The following ZNF224 variants were observed in gnomAD, a reference collection of about 807,000 sequenced individuals.
The protein encoded by ZNF224 is bone marrow zinc finger 2.
A neutral mutation model predicts 10.5 loss-of-function variants in ZNF224; 8 were observed. The observed-to-expected ratio is 0.76, with a 90% CI of 0.45 to 1.37. The LOEUF is 1.37. ZNF224 is among the 40% of genes most tolerant of loss of function. ZNF224 has a pLI of 0.00. For missense variants in ZNF224, 754 were observed against 854.0 expected, an observed-to-expected ratio of 0.88 and a Z score of 1.46; for synonymous variants, 282 against 287.8, an observed-to-expected ratio of 0.98 and a Z score of 0.20.
At chr19:44,095,328 C>CT in intron 1 of ZNF224, 1 of 153,122 alleles carries the variant, frequency 6.5e-6, no homozygotes, top group East Asian at 1.9e-4. Context: ...AGAAGTATTG[C>CT]TTTTTTCTAT....
intron 5 of ZNF224, among the ~76,000 whole-genome samples, chr19:44,103,735 T>C (rs1171337610): frequency 6.6e-6 from 1 of 152,156 alleles, no homozygotes; most frequent in Non-Finnish European, 1.5e-5. Flanking sequence ...CTGTCACCCA[T>C]GCTGGAGAGC....
rs773741468 is a variant in ZNF224, at chr19:44,107,908, T to C, written c.1748T>C (p.Leu583Pro). 6.2e-7 allele frequency: 1 copy of C among 1,613,950 alleles called. No individual in the cohort carries two copies. The highest frequency in any genetic ancestry group is 8.5e-7 in the Non-Finnish European group (1 of 1,179,962). ...CGKRFTQNSQLHSHQRVHTGE... is the reference protein window; with the variant it reads ...CGKRFTQNSQPHSHQRVHTGE... ...AAAAGATTTACTCAGAATTCACAGC[T>C]TCATTCTCATCAAAGAGTGCACACT... Residue 583 changes from leucine to proline, a missense_variant, in exon 6 of 6, where the codon CTT becomes CCT. Coordinates refer to ENST00000693561, the MANE Select transcript of ZNF224 (RefSeq NM_001321645.3).
At chr19:44,098,426 G>C (rs900516158) in intron 3 of ZNF224, among the ~76,000 whole-genome samples, 1 of 152,188 alleles carries the variant, frequency 6.6e-6, no homozygotes, top group African/African-American at 2.4e-5. Context: ...ATGGCAGGCT[G>C]TAACTGTGGC....
chr19:44,100,823 T>C lies in ZNF224; in HGVS notation c.38T>C (p.Val13Ala), dbSNP rs1967534164. The change falls in exon 4 of 6, where the codon GTG (valine) becomes GCG (alanine). Residue 13 changes from valine to alanine, a missense_variant. Transcript: ENST00000693561. ...TFKEAMTFKD[V>A]AVVFTEEELG... The stretch of plus-strand genomic sequence containing the variant: ...TAGGAGGCAATGACCTTCAAGGACG[T>C]GGCTGTGGTCTTCACTGAGGAAGAG... 1 of 1,613,970 alleles carries C rather than the reference T, an allele frequency of 6.2e-7. No individual in the cohort carries two copies. The highest frequency in any genetic ancestry group is 8.5e-7 in the Non-Finnish European group (1 of 1,179,932).
At chr19:44,096,841 T>C (rs1481282421) in intron 2 of ZNF224, among the ~76,000 whole-genome samples, 1 of 152,232 alleles carries the variant, frequency 6.6e-6, no homozygotes, top group Non-Finnish European at 1.5e-5. Flanking sequence ...AGGCATTCAT[T>C]TGGAGTTGTG....
chr19:44,106,870 G>A lies in ZNF224; in HGVS notation c.710G>A (p.Cys237Tyr), dbSNP rs199772345. 4 of 1,612,476 alleles carry A rather than the reference G, an allele frequency of 2.5e-6. No homozygotes were observed. Among genetic ancestry groups the A allele is most frequent in the Admixed American group, 1.7e-5 (1 of 59,982 alleles). The change falls in exon 6 of 6, where the codon TGT becomes TAT. Residue 237 changes from cysteine to tyrosine, a missense_variant. Coordinates refer to ENST00000693561, the MANE Select transcript of ZNF224 (RefSeq NM_001321645.3). ...GAGAAACCGTTCAAATGTGTGGAAT[G>A]TGGGAAAGGCTTCAGTCGTAGATCA... ...TGEKPFKCVE[C>Y]GKGFSRRSAL...
In ZNF224 at chr19:44,100,881, G is replaced by C. The variant is rs1209400726; in HGVS notation, c.96G>C (p.Leu32=). 2 of 1,614,050 alleles carry C rather than the reference G, an allele frequency of 1.2e-6. No homozygotes were observed. The highest frequency in any genetic ancestry group is 4.5e-5 in the East Asian group (2 of 44,894). Residue 32 remains leucine, a synonymous_variant, in exon 4 of 6, where the codon CTG becomes CTC. Transcript: ENST00000693561. The part of the protein sequence containing the change: ...LGLLDLAQRK[L]YRDVMLENFR... Reference sequence around the variant, plus strand: ...TGCTGGACCTTGCTCAGAGGAAGCTGTATCGAGATGTGATGCTGGAGAACT... The same window carrying C: ...TGCTGGACCTTGCTCAGAGGAAGCTCTATCGAGATGTGATGCTGGAGAACT...
At position 44,097,841 on chromosome 19, in the gene ZNF224, G is replaced by A. The variant is rs1271910392; in HGVS notation, c.-33G>A. ...GCTTTCCCAGGAACTGCATCACTCA[G>A]GACTCTGCAAGTTTCCAGAAGTAAG... is the stretch of plus-strand genomic sequence containing the variant. On this transcript the variant is annotated 5_prime_UTR_variant, in exon 3 of 6. Transcript: ENST00000693561. 6.2e-7 allele frequency: 1 copy of A among 1,613,696 alleles called. No homozygotes were observed. The highest frequency in any genetic ancestry group is 8.5e-7 in the Non-Finnish European group (1 of 1,179,770).
Position 44,100,821 on chromosome 19 carries a change from C to A in ZNF224, c.36C>A (p.Asp12Glu), listed in dbSNP as rs150110361. 2 of 1,613,804 alleles carry A rather than the reference C, an allele frequency of 1.2e-6. No homozygotes were observed. Among genetic ancestry groups the A allele is most frequent in the Non-Finnish European group, 1.7e-6 (2 of 1,179,864 alleles). Reference protein sequence around the residue: ...TTFKEAMTFKDVAVVFTEEEL... With the variant: ...TTFKEAMTFKEVAVVFTEEEL... ...TATAGGAGGCAATGACCTTCAAGGA[C>A]GTGGCTGTGGTCTTCACTGAGGAAG... The change falls in exon 4 of 6, where the codon GAC becomes GAA. Residue 12 changes from aspartate (D) to glutamate (E), a missense_variant. Transcript: ENST00000693561.
At chr19:44,101,742 C>A (rs1350211477) in intron 5 of ZNF224, among the ~76,000 whole-genome samples, 1 of 152,164 alleles carries the variant, frequency 6.6e-6, no homozygotes, top group East Asian at 1.9e-4. Flanking sequence ...ATACATCTCA[C>A]TGGGCAATTA....
Position 44,101,162 on chromosome 19 carries a change from C to T in ZNF224, c.172C>T (p.His58Tyr). The change falls in exon 5 of 6, where the codon CAC becomes TAC. Residue 58 changes from histidine to tyrosine, a missense_variant. Coordinates refer to ENST00000693561, the MANE Select transcript of ZNF224 (RefSeq NM_001321645.3). Reference sequence around the variant, plus strand: ...TCAAGCATTCCACAGGGATACTTTCCACTTCCTAAGGGAAGAAAAGATTTG... The same window carrying T: ...TCAAGCATTCCACAGGGATACTTTCTACTTCCTAAGGGAAGAAAAGATTTG... ...GHQAFHRDTF[H>Y]FLREEKIWMM... The T allele has an allele frequency of 6.2e-7, 1 of 1,614,142 alleles. No individual in the cohort carries two copies. Among genetic ancestry groups the T allele is most frequent in the East Asian group, 2.2e-5 (1 of 44,886 alleles).
rs932652419 is a variant in ZNF224 at position 44,109,520 on chromosome 19, T to C, written c.*1236T>C. The C allele has an allele frequency of 6.6e-6, 1 of 152,186 alleles. No individual in the cohort carries two copies. Among genetic ancestry groups the C allele is most frequent in the African/African-American group, 2.4e-5 (1 of 41,444 alleles). The allele number at this position is 152,186 out of a possible 1,614,324, so 9.4% of individuals were successfully genotyped here. ...CTTTATTGCTGGCAGTAAAAATATG[T>C]CTTTTGGAGAGCAGAACATGCCAGA... On this transcript the variant is annotated 3_prime_UTR_variant, in exon 6 of 6. Coordinates refer to ENST00000693561, the MANE Select transcript of ZNF224 (RefSeq NM_001321645.3).
chr19:44,107,743 A>G lies in ZNF224; in HGVS notation c.1583A>G (p.Asp528Gly). The G allele has an allele frequency of 6.2e-7, 1 of 1,613,410 alleles. No homozygotes were observed. Among genetic ancestry groups the G allele is most frequent in the Non-Finnish European group, 8.5e-7 (1 of 1,179,928 alleles). Residue 528 changes from aspartate (D) to glycine (G), a missense_variant, in exon 6 of 6, where the codon GAT (aspartate) becomes GGT (glycine). By Grantham distance (94) the Asp-to-Gly change is moderately conservative. Coordinates refer to ENST00000693561, the MANE Select transcript of ZNF224 (RefSeq NM_001321645.3). ...GKGYNSKFNL[D>G]MHQKVHTGER... is the part of the protein sequence containing the mutation. ...GGCTACAATAGTAAGTTTAATCTTGATATGCACCAGAAGGTCCACACAGGA... is the reference window on the plus strand; with the variant it reads ...GGCTACAATAGTAAGTTTAATCTTGGTATGCACCAGAAGGTCCACACAGGA...
chr19:44,099,417 C>G (rs1967504205), intron 3 of ZNF224, among the ~76,000 whole-genome samples: 1 of 152,074 alleles, frequency 6.6e-6, no homozygotes, highest in African/African-American at 2.4e-5. Context: ...AAATAAGAAT[C>G]TTATGCCCAG....
chr19:44,108,223 G>C lies in ZNF224; in HGVS notation c.2063G>C (p.Cys688Ser), dbSNP rs376155141. 1 of 1,614,032 alleles carries C rather than the reference G, an allele frequency of 6.2e-7. No individual in the cohort carries two copies. Among genetic ancestry groups the C allele is most frequent in the Non-Finnish European group, 8.5e-7 (1 of 1,179,962 alleles). ...KTWKCRECDM[C>S]FSQASSLRLH... Reference sequence around the variant, plus strand: ...TGGAAGTGTAGGGAGTGTGATATGTGCTTTAGTCAGGCCTCAAGCCTTCGA... The same window carrying C: ...TGGAAGTGTAGGGAGTGTGATATGTCCTTTAGTCAGGCCTCAAGCCTTCGA... The change falls in exon 6 of 6, where the codon TGC becomes TCC. Residue 688 changes from cysteine to serine, a missense_variant. Coordinates refer to ENST00000693561, the MANE Select transcript of ZNF224 (RefSeq NM_001321645.3).
In ZNF224 at chr19:44,109,373, T is replaced by C. The variant is rs1433246486; in HGVS notation, c.*1089T>C. 1 of 152,220 alleles carries C rather than the reference T, an allele frequency of 6.6e-6. No homozygotes were observed. 9.4% of individuals were successfully genotyped at this position (152,220 alleles called of 1,614,324 possible). A position where few individuals can be genotyped will look rare whatever the true frequency, so the allele number is the denominator to read the frequency against. On this transcript the variant is annotated 3_prime_UTR_variant, in exon 6 of 6. Coordinates refer to ENST00000693561, the MANE Select transcript of ZNF224 (RefSeq NM_001321645.3). ...ATATTCTAAATTTGAATGACAGCTT[T>C]TGTCAACCTTCTTATCCAATATTCT...
rs1390980966 is a variant in ZNF224 at position 44,109,324 on chromosome 19, T to G, written c.*1040T>G. 1 of 152,180 alleles carries G rather than the reference T, an allele frequency of 6.6e-6. No individual in the cohort carries two copies. The highest frequency in any genetic ancestry group is 1.5e-5 in the Non-Finnish European group (1 of 68,032). The allele number at this position is 152,180 out of a possible 1,614,324, so 9.4% of individuals were successfully genotyped here. A position where few individuals can be genotyped will look rare whatever the true frequency, so the allele number is the denominator to read the frequency against. ...TTTAATTGCTGTACAATTTCTTTTT[T>G]TTTTTTAACTTCTCTGGTATAAAAT... On this transcript the variant is annotated 3_prime_UTR_variant, in exon 6 of 6. Transcript: ENST00000693561.
rs1371206674 is a variant in ZNF224, at chr19:44,107,400, C to G, written c.1240C>G (p.Gln414Glu). The G allele has an allele frequency of 6.2e-7, 1 of 1,606,960 alleles. No individual in the cohort carries two copies. Among genetic ancestry groups the G allele is most frequent in the South Asian group, 1.1e-5 (1 of 89,838 alleles). ...ECGKGFYTNS[Q>E]CYSHQRSHSG... ...TGGGAAAGGATTTTACACAAATTCA[C>G]AATGCTATTCCCACCAGAGATCCCA... Residue 414 changes from glutamine to glutamate, a missense_variant, in exon 6 of 6, where the codon CAA becomes GAA. Gln to Glu is a conservative substitution (Grantham distance 29). Transcript: ENST00000693561.
At chr19:44,095,503 G>A (rs988110919) in intron 1 of ZNF224, 2 of 152,166 alleles carry the variant, frequency 1.3e-5, no homozygotes, top group Non-Finnish European at 2.9e-5. Flanking sequence ...GGGAAAGCAA[G>A]ACTTAGGGGC....
Sources: gnomAD v4.1 joint callset for allele counts (sites outside exome capture counted in the v4.1 genomes callset) on GRCh38, gnomAD v4.1.1 for gene constraint, MANE v1.5 for transcripts, NCBI Gene and HGNC (gene_info 2026-07-23, HGNC 2026-07-21) for gene names.